The following TSPAN5 variants were observed in gnomAD, a reference collection of about 807,000 sequenced individuals.
TSPAN5 encodes tetraspanin-5.
In TSPAN5, 10 loss-of-function variants were observed where a neutral mutation model predicts 37.1. The observed-to-expected ratio is 0.27, with a 90% confidence interval of 0.17 to 0.46. TSPAN5 has a LOEUF of 0.46. TSPAN5 is among the 20% of genes least tolerant of loss of function. The probability of loss-of-function intolerance (pLI) is 1.00; values close to 1 mark genes in which losing one functional copy is unlikely to be tolerated. For synonymous variants in TSPAN5, 110 were observed against 118.9 expected, an observed-to-expected ratio of 0.93 and a Z score of 0.48; for missense variants, 195 against 326.6, an observed-to-expected ratio of 0.60 and a Z score of 3.11.
intron 2 of TSPAN5, among the ~76,000 whole-genome samples, chr4:98,498,857 A>G (rs1220365246): frequency 6.6e-6 from 1 of 152,042 alleles, no homozygotes; most frequent in Non-Finnish European, 1.5e-5. Context: ...CTGGTATCAG[A>G]AGTAGGTGAG....
chr4:98,544,204 C>A (rs1470978959), intron 1 of TSPAN5, among the ~76,000 whole-genome samples: 2 of 151,946 alleles, frequency 1.3e-5, no homozygotes, highest in African/African-American at 4.8e-5. Context: ...AATGAATGAA[C>A]AAACAAGTGC....
chr4:98,625,170 C>G (rs540524380), intron 1 of TSPAN5, among the ~76,000 whole-genome samples: 18 of 152,220 alleles, frequency 1.2e-4, no homozygotes, highest in Non-Finnish European at 2.5e-4. Context: ...TGTTCCATTA[C>G]TGGAACGCTA....
chr4:98,502,797 T>A (rs1455182267), intron 2 of TSPAN5, among the ~76,000 whole-genome samples: 1 of 151,888 alleles, frequency 6.6e-6, no homozygotes, highest in African/African-American at 2.4e-5. Flanking sequence ...AAATTTCTAG[T>A]GACATGTCAT....
At chr4:98,550,187 A>G (rs960095920) in intron 1 of TSPAN5, among the ~76,000 whole-genome samples, 5 of 152,124 alleles carry the variant, frequency 3.3e-5, no homozygotes, top group Non-Finnish European at 5.9e-5. Flanking sequence ...GTTGAAAATC[A>G]GTTGTAGATA....
At chr4:98,587,938 G>A (rs184758605) in intron 1 of TSPAN5, among the ~76,000 whole-genome samples, 177 of 152,144 alleles carry the variant, frequency 1.2e-3, no homozygotes, top group African/African-American at 4.1e-3. Flanking sequence ...TGGATCTGGG[G>A]CCCCAAAACC....
chr4:98,515,390 C>T (rs2110110998), intron 1 of TSPAN5, among the ~76,000 whole-genome samples: 1 of 152,258 alleles, frequency 6.6e-6, no homozygotes, highest in Non-Finnish European at 1.5e-5. Flanking sequence ...CTGCCCCCCT[C>T]CTGACACATT....
intron 2 of TSPAN5, among the ~76,000 whole-genome samples, chr4:98,487,508 G>A (rs1183495705): frequency 1.3e-5 from 2 of 152,028 alleles, no homozygotes; most frequent in African/African-American, 4.8e-5. Flanking sequence ...AAATAGGATC[G>A]AGCTAGAAGC....
chr4:98,633,306 T>C (rs907611240), intron 1 of TSPAN5, among the ~76,000 whole-genome samples: 1 of 152,202 alleles, frequency 6.6e-6, no homozygotes, highest in Non-Finnish European at 1.5e-5. Flanking sequence ...TACAACAGTT[T>C]TCCCTCACCC....
intron 1 of TSPAN5, among the ~76,000 whole-genome samples, chr4:98,584,916 G>A (rs1369810642): frequency 1.3e-5 from 2 of 152,022 alleles, no homozygotes; most frequent in Non-Finnish European, 2.9e-5. Flanking sequence ...CACTAAGAAG[G>A]GATTTAACAT....
chr4:98,529,029 T>A (rs1754022589), intron 1 of TSPAN5, among the ~76,000 whole-genome samples: 1 of 150,754 alleles, frequency 6.6e-6, no homozygotes, highest in Non-Finnish European at 1.5e-5. Flanking sequence ...AGAGCCAGGA[T>A]GCAAAACAAG....
At chr4:98,610,934 C>G (rs971728864) in intron 1 of TSPAN5, among the ~76,000 whole-genome samples, 1 of 152,160 alleles carries the variant, frequency 6.6e-6, no homozygotes, top group African/African-American at 2.4e-5. Flanking sequence ...ATTTCCTAGG[C>G]TCCCTGGGAA....
chr4:98,508,748 C>A (rs1753532396), intron 1 of TSPAN5, among the ~76,000 whole-genome samples: 1 of 151,996 alleles, frequency 6.6e-6, no homozygotes, highest in Non-Finnish European at 1.5e-5. Flanking sequence ...TAGTCTCACA[C>A]TACTGGGCTC....
intron 1 of TSPAN5, among the ~76,000 whole-genome samples, chr4:98,654,771 TG>T (rs1757261681): frequency 6.6e-6 from 1 of 152,206 alleles, no homozygotes; most frequent in African/African-American, 2.4e-5. Flanking sequence ...AGATTCACAG[TG>T]GGGAGAGAGA....
intron 2 of TSPAN5, among the ~76,000 whole-genome samples, chr4:98,494,728 C>G (rs1753161199): frequency 6.6e-6 from 1 of 152,110 alleles, no homozygotes; most frequent in Non-Finnish European, 1.5e-5. Flanking sequence ...GGAGGAGTGT[C>G]TAACCCAACT....
intron 1 of TSPAN5, among the ~76,000 whole-genome samples, chr4:98,581,047 AG>A (rs780264989): frequency 1.2e-4 from 18 of 152,170 alleles, no homozygotes; most frequent in Non-Finnish European, 2.6e-4. Context: ...GTCAATATAA[AG>A]GGGAAAAAAA....
In TSPAN5 at chr4:98,556,068, T is replaced by C. The variant is rs893083140; in HGVS notation, c.82-48340A>G. Among the ~76,000 whole-genome samples, 4 of 115,828 alleles carry C rather than the reference T, an allele frequency of 3.5e-5. No homozygotes were observed. In the East Asian group the frequency reaches 1.1e-3, roughly 32 times the overall value. The allele number at this position is 115,828 out of a possible 152,430, so 76.0% of individuals were successfully genotyped here. A position where few individuals can be genotyped will look rare whatever the true frequency, so the allele number is the denominator to read the frequency against. On this transcript the variant is annotated intron_variant, in intron 1 of 7. Transcript: ENST00000305798. ...ACACACACACACACACACACACAGG[T>C]AGGAATGGCTCTTCAGCACTGAACT...
chr4:98,580,974 C>T (rs1032570945), intron 1 of TSPAN5, among the ~76,000 whole-genome samples: 5 of 152,122 alleles, frequency 3.3e-5, no homozygotes, highest in Non-Finnish European at 5.9e-5. Context: ...CAAACCACTC[C>T]TGTTTTGGTC....
intron 1 of TSPAN5, among the ~76,000 whole-genome samples, chr4:98,549,379 T>G (rs1315959762): frequency 6.6e-6 from 1 of 151,516 alleles, no homozygotes; most frequent in Non-Finnish European, 1.5e-5. Context: ...TTCGGCTCAC[T>G]GCAACCTCTG....
chr4:98,492,586 G>A (rs9997498), intron 2 of TSPAN5, among the ~76,000 whole-genome samples: 6,923 of 152,206 alleles, frequency 0.045, 498 homozygotes, highest in African/African-American at 0.16. Context: ...TAGACACACA[G>A]ACACACGCAC....
Sources: gnomAD v4.1 joint callset for allele counts (sites outside exome capture counted in the v4.1 genomes callset) on GRCh38, gnomAD v4.1.1 for gene constraint, MANE v1.5 for transcripts, NCBI Gene and HGNC (gene_info 2026-07-23, HGNC 2026-07-21) for gene names.